Variants in VPS41 observed in about 807,000 individuals in gnomAD.
The protein encoded by VPS41 is VPS41 subunit of HOPS complex, also known as vacuolar protein sorting-associated protein 41 homolog.
A neutral mutation model predicts 130.9 loss-of-function variants in VPS41; 85 were observed. That is an observed-to-expected ratio of 0.65 (90% CI 0.55 to 0.78). The LOEUF is 0.78. Among genes scored for constraint, VPS41 ranks in the 30% least tolerant of loss-of-function variants. The pLI is 0.00. For missense variants in VPS41, 874 were observed against 1,018.7 expected (o/e 0.86, Z 1.93); for synonymous variants, 335 against 332.9 (o/e 1.01, Z -0.07).
chr7:38,873,445 A>G (rs373158640), intron 2 of VPS41, among the ~76,000 whole-genome samples: 3 of 140,520 alleles, frequency 2.1e-5, no homozygotes, highest in South Asian at 5.0e-4. Context: ...CTAAAAAAAT[A>G]ATAATAATAG....
intron 6 of VPS41, among the ~76,000 whole-genome samples, chr7:38,818,744 G>A (rs1171664283): frequency 1.3e-5 from 2 of 152,000 alleles, no homozygotes; most frequent in Non-Finnish European, 2.9e-5. Flanking sequence ...CTAATTTTGT[G>A]TTTTTCTAAT....
At chr7:38,846,191 C>T (rs1049983867) in intron 4 of VPS41, among the ~76,000 whole-genome samples, 7 of 152,114 alleles carry the variant, frequency 4.6e-5, no homozygotes, top group Admixed American at 3.9e-4. Flanking sequence ...AGTCTGTGAC[C>T]CCAGTACTTT....
intron 10 of VPS41, among the ~76,000 whole-genome samples, chr7:38,783,739 T>C (rs1451343920): frequency 6.6e-6 from 1 of 151,930 alleles, no homozygotes; most frequent in African/African-American, 2.4e-5. Flanking sequence ...TTCGTTTCAT[T>C]TAAAAAAAAA....
At chr7:38,785,993 T>A (rs980928873) in intron 10 of VPS41, among the ~76,000 whole-genome samples, 30 of 152,362 alleles carry the variant, frequency 2.0e-4, no homozygotes, top group African/African-American at 6.7e-4. Flanking sequence ...TTCCATTTCA[T>A]CTGGCAGTTC....
At chr7:38,801,530 A>G (rs1370159745) in intron 7 of VPS41, among the ~76,000 whole-genome samples, 3 of 152,240 alleles carry the variant, frequency 2.0e-5, no homozygotes, top group Non-Finnish European at 4.4e-5. Context: ...AATACTAAAT[A>G]AAGTAGGTCA....
intron 9 of VPS41, 136 bp downstream of exon 9, chr7:38,795,329 A>T: frequency 3.4e-6 from 2 of 589,256 alleles, no homozygotes; most frequent in Non-Finnish European, 5.5e-6. Context: ...TTTGAGCATT[A>T]AATGGTAATC....
At chr7:38,758,021 A>C (rs895542242) in intron 18 of VPS41, among the ~76,000 whole-genome samples, 1 of 152,184 alleles carries the variant, frequency 6.6e-6, no homozygotes, top group Non-Finnish European at 1.5e-5. Flanking sequence ...TGAAGACCCT[A>C]GAAGAGCAGA....
At chr7:38,844,022 T>A (rs1437136822) in intron 4 of VPS41, among the ~76,000 whole-genome samples, 1 of 152,242 alleles carries the variant, frequency 6.6e-6, no homozygotes, top group Non-Finnish European at 1.5e-5. Flanking sequence ...GTATAAGCAA[T>A]GCTGCTTTCT....
intron 12 of VPS41, 61 bp downstream of exon 12, chr7:38,774,054 T>TA: frequency 6.9e-7 from 1 of 1,448,668 alleles, no homozygotes; most frequent in Non-Finnish European, 9.4e-7. Flanking sequence ...TTATTGCAAG[T>TA]AGGAAGGGGG....
At chr7:38,845,170 AG>A (rs1351679334) in intron 4 of VPS41, among the ~76,000 whole-genome samples, 12 of 152,226 alleles carry the variant, frequency 7.9e-5, no homozygotes, top group African/African-American at 2.4e-4. Flanking sequence ...CAATGGTAGA[AG>A]CCTGGCTCGC....
In VPS41 at chr7:38,745,499, C is replaced by G. The variant is rs960588994; in HGVS notation, c.1981+60G>C. On this transcript the variant is annotated intron_variant, in intron 23 of 28. Transcript: ENST00000310301. The stretch of plus-strand genomic sequence containing the variant: ...CCTATGTCCTTTCTTACACAATTTA[C>G]TTCATGTTGTCATCCCATTTCTTAG... 12 of 1,356,674 alleles carry G rather than the reference C, an allele frequency of 8.8e-6. No homozygotes were observed. In the African/African-American group the frequency reaches 1.6e-4, roughly 18 times the overall value. 84.0% of individuals were successfully genotyped at this position (1,356,674 alleles called of 1,614,324 possible).
At chr7:38,902,160 A>T (rs1584455238) in intron 1 of VPS41, among the ~76,000 whole-genome samples, 1 of 152,210 alleles carries the variant, frequency 6.6e-6, no homozygotes, top group Middle Eastern at 3.4e-3. Flanking sequence ...TGTACTCATC[A>T]CCTGCCATCA....
At chr7:38,860,892 T>C (rs1197804702) in intron 4 of VPS41, among the ~76,000 whole-genome samples, 4 of 152,002 alleles carry the variant, frequency 2.6e-5, no homozygotes, top group Non-Finnish European at 4.4e-5. Context: ...AAACAGACTA[T>C]CACCTTCTTG....
At chr7:38,844,773 T>A (rs1452157330) in intron 4 of VPS41, among the ~76,000 whole-genome samples, 1 of 152,206 alleles carries the variant, frequency 6.6e-6, no homozygotes, top group Non-Finnish European at 1.5e-5. Flanking sequence ...ATAAGAGCAT[T>A]TATATGCTGT....
At chr7:38,879,645 G>T (rs1009684363) in intron 2 of VPS41, among the ~76,000 whole-genome samples, 4 of 152,134 alleles carry the variant, frequency 2.6e-5, no homozygotes, top group Non-Finnish European at 5.9e-5. Flanking sequence ...TTCCACCTCA[G>T]ATCATCAGGC....
chr7:38,828,312 A>T (rs1218800532), intron 5 of VPS41, among the ~76,000 whole-genome samples: 7 of 1,120 alleles, frequency 6.3e-3, no homozygotes, highest in African/African-American at 0.062. Context: ...AAGTCATGAC[A>T]AAAAAAAGAT....
intron 3 of VPS41, among the ~76,000 whole-genome samples, 200 bp downstream of exon 3, chr7:38,868,946 A>C (rs1271420395): frequency 6.6e-6 from 1 of 152,138 alleles, no homozygotes; most frequent in African/African-American, 2.4e-5. Context: ...ACAGTCTTGG[A>C]GTGTGTTGTA....
At chr7:38,803,869 A>G (rs902933861) in intron 7 of VPS41, among the ~76,000 whole-genome samples, 6 of 152,236 alleles carry the variant, frequency 3.9e-5, no homozygotes, top group Non-Finnish European at 8.8e-5. Context: ...CCAAAGTTTC[A>G]AACACGCAGC....
At chr7:38,778,851 G>T (rs1421899404) in intron 10 of VPS41, among the ~76,000 whole-genome samples, 1 of 152,132 alleles carries the variant, frequency 6.6e-6, no homozygotes, top group East Asian at 1.9e-4. Context: ...TTCTCCTAAA[G>T]GTAACCAAAT....
Sources: gnomAD v4.1 joint callset for allele counts (sites outside exome capture counted in the v4.1 genomes callset) on GRCh38, gnomAD v4.1.1 for gene constraint, MANE v1.5 for transcripts, NCBI Gene and HGNC (gene_info 2026-07-23, HGNC 2026-07-21) for gene names.